RAB19: variants seen among roughly 807,000 people sequenced by gnomAD.
RAB19 encodes ras-related protein Rab-19.
RAB19 carries 21 observed loss-of-function variants against 17.3 expected under a neutral mutation model. That is an observed-to-expected ratio of 1.21 (90% CI 0.86 to 1.74). The LOEUF is 1.74. RAB19 is among the 40% of genes most tolerant of loss of function. The pLI is 0.00. For missense variants in RAB19, 277 were observed against 286.8 expected, an observed-to-expected ratio of 0.97 and a Z score of 0.25; for synonymous variants, 126 against 110.4, an observed-to-expected ratio of 1.14 and a Z score of -0.88.
At chr7:140,425,735 A>AG (rs1467989402) in intron 3 of RAB19, 147 bp from the exon 4 acceptor site, 6 of 877,744 alleles carry the variant, frequency 6.8e-6, no homozygotes, top group Non-Finnish European at 7.0e-6. Context: ...AAAAAAAAAA[A>AG]GAAACAAAAA....
rs761696770 is a variant in RAB19 at position 140,425,891 on chromosome 7, G to A, written c.395G>A (p.Cys132Tyr). The change falls in exon 4 of 4, where the codon TGT becomes TAT. Residue 132 changes from cysteine (C) to tyrosine (Y), a missense_variant. By Grantham distance (194) the Cys-to-Tyr change is radical (BLOSUM62 -2). Coordinates refer to ENST00000537763, the MANE Select transcript of RAB19 (RefSeq NM_001008749.3). ...TATCTTTTCCTTCCAGGAAATAAAT[G>A]TGACCTCTGGGAAAAGCGGCACGTC... is the stretch of plus-strand genomic sequence containing the variant. The part of the protein sequence containing the change: ...NVVIMLIGNK[C>Y]DLWEKRHVLF... The A allele has an allele frequency of 3.1e-6, 5 of 1,607,492 alleles. No homozygotes were observed. Among genetic ancestry groups the A allele is most frequent in the South Asian group, 2.2e-5 (2 of 90,498 alleles).
intron 3 of RAB19, among the ~76,000 whole-genome samples, chr7:140,416,570 A>G (rs962525594): frequency 6.6e-6 from 1 of 152,026 alleles, no homozygotes; most frequent in African/African-American, 2.4e-5. Flanking sequence ...TGGCCATTTA[A>G]TGTTCTGTGT....
intron 1 of RAB19, 45 bp from the exon 2 acceptor site, chr7:140,407,579 C>G (rs1368125371): frequency 6.8e-7 from 1 of 1,464,442 alleles, no homozygotes; most frequent in African/African-American, 1.4e-5. Flanking sequence ...TTGTCTTGTA[C>G]TGGATCCCCA....
At chr7:140,419,507 C>T (rs1799521080) in intron 3 of RAB19, among the ~76,000 whole-genome samples, 1 of 152,154 alleles carries the variant, frequency 6.6e-6, no homozygotes, top group African/African-American at 2.4e-5. Context: ...AATTCGTATA[C>T]TATTCCTTTG....
At chr7:140,416,506 C>T (rs747459612) in intron 3 of RAB19, among the ~76,000 whole-genome samples, 11 of 152,240 alleles carry the variant, frequency 7.2e-5, no homozygotes, top group African/African-American at 9.6e-5. Context: ...TGCAGCTCAC[C>T]GGGTCCATAG....
intron 3 of RAB19, among the ~76,000 whole-genome samples, chr7:140,416,068 T>C (rs1799452087): frequency 6.6e-6 from 1 of 150,742 alleles, no homozygotes; most frequent in Non-Finnish European, 1.5e-5. Context: ...AACAGCCGGG[T>C]GCAGTGGCTC....
intron 3 of RAB19, among the ~76,000 whole-genome samples, chr7:140,424,790 A>G (rs1244955388): frequency 2.0e-5 from 3 of 151,538 alleles, no homozygotes; most frequent in Non-Finnish European, 4.4e-5. Flanking sequence ...ATGGAAAAAA[A>G]TATCTACAGA....
At chr7:140,416,850 G>A (rs928836429) in intron 3 of RAB19, among the ~76,000 whole-genome samples, 5 of 152,090 alleles carry the variant, frequency 3.3e-5, no homozygotes, top group Non-Finnish European at 2.9e-5. Flanking sequence ...AGCACTTTGG[G>A]AAGTTGAGGT....
chr7:140,417,705 T>A (rs942181270), intron 3 of RAB19, among the ~76,000 whole-genome samples: 1 of 152,140 alleles, frequency 6.6e-6, no homozygotes, highest in African/African-American at 2.4e-5. Flanking sequence ...AAGTCTGAAA[T>A]CAGTCCTGCG....
In RAB19 at chr7:140,411,912, C is replaced by G; in HGVS notation, c.240C>G (p.Arg80=). ...ACACAGCTGGCCAGGAGCGCTTCCGCACCATCACCCAAAGCTACTACCGCA... is the reference window on the plus strand; with the variant it reads ...ACACAGCTGGCCAGGAGCGCTTCCGGACCATCACCCAAAGCTACTACCGCA... ...VWDTAGQERF[R]TITQSYYRSA... The change falls in exon 3 of 4, where the codon CGC becomes CGG. Residue 80 remains arginine (R), a synonymous_variant. Coordinates refer to ENST00000537763, the MANE Select transcript of RAB19 (RefSeq NM_001008749.3). The G allele has an allele frequency of 6.2e-7, 1 of 1,614,208 alleles. No individual in the cohort carries two copies. Among genetic ancestry groups the G allele is most frequent in the Non-Finnish European group, 8.5e-7 (1 of 1,180,044 alleles).
At chr7:140,412,158 T>G in intron 3 of RAB19, 101 bp downstream of exon 3, 2 of 1,250,080 alleles carry the variant, frequency 1.6e-6, no homozygotes, top group Non-Finnish European at 2.3e-6. Flanking sequence ...ATCTTAAAAG[T>G]GTAAGTGATG....
rs776077715 is a variant in RAB19 at position 140,407,650 on chromosome 7, C to T, written c.4C>T (p.His2Tyr). M[H>Y]FSSSARAADE... ...TCTGTTCTAGGTGGCAAGAACCATG[C>T]ACTTCTCCAGCTCAGCCAGGGCAGC... Residue 2 changes from histidine (H) to tyrosine (Y), a missense_variant, in exon 2 of 4, where the codon CAC becomes TAC. By Grantham distance (83) the His-to-Tyr change is moderately conservative. Coordinates refer to ENST00000537763, the MANE Select transcript of RAB19 (RefSeq NM_001008749.3). The T allele has an allele frequency of 3.1e-6, 5 of 1,614,066 alleles. No homozygotes were observed. Among genetic ancestry groups the T allele is most frequent in the Non-Finnish European group, 3.4e-6 (4 of 1,179,946 alleles).
intron 2 of RAB19, among the ~76,000 whole-genome samples, chr7:140,409,467 G>A (rs561108836): frequency 2.0e-5 from 3 of 152,036 alleles, no homozygotes; most frequent in Admixed American, 6.6e-5. Flanking sequence ...GGCCGAGGCA[G>A]GCGGATCACC....
At position 140,426,106 on chromosome 7, in the gene RAB19, C is replaced by G; in HGVS notation, c.610C>G (p.Leu204Val). The change falls in exon 4 of 4, where the codon CTT (leucine) becomes GTT (valine). Residue 204 changes from leucine to valine, a missense_variant. By Grantham distance (32) the Leu-to-Val change is conservative. Transcript: ENST00000537763. The stretch of plus-strand genomic sequence containing the variant: ...CCTCCCCCTGGACTCCAGCCCCGTT[C>G]TTATGGCCCAGGGTCCAAGTGAAAA... ...NGLPLDSSPV[L>V]MAQGPSEKTH... The G allele has an allele frequency of 6.2e-7, 1 of 1,614,192 alleles. No homozygotes were observed. The highest frequency in any genetic ancestry group is 8.5e-7 in the Non-Finnish European group (1 of 1,180,036).
At chr7:140,414,501 T>C (rs1799420490) in intron 3 of RAB19, among the ~76,000 whole-genome samples, 1 of 152,154 alleles carries the variant, frequency 6.6e-6, no homozygotes, top group African/African-American at 2.4e-5. Flanking sequence ...AATCTCAGAA[T>C]GTTTGCTTGG....
At chr7:140,409,028 G>A (rs949375538) in intron 2 of RAB19, among the ~76,000 whole-genome samples, 1 of 152,208 alleles carries the variant, frequency 6.6e-6, no homozygotes, top group South Asian at 2.1e-4. Flanking sequence ...CCAAAGTGCC[G>A]GGATTACAGG....
Position 140,426,797 on chromosome 7 carries a change from C to A in RAB19, c.*647C>A, listed in dbSNP as rs1299325521. On this transcript the variant is annotated 3_prime_UTR_variant, in exon 4 of 4. Coordinates refer to ENST00000537763, the MANE Select transcript of RAB19 (RefSeq NM_001008749.3). ...TATTCTAGCAGGGCTGACTTGGCCA[C>A]CCTCTTGGGATAGGGGAAGACACCT... 6.6e-6 allele frequency among the ~76,000 whole-genome samples: 1 copy of A among 151,814 alleles called. No homozygotes were observed. The highest frequency in any genetic ancestry group is 1.5e-5 in the Non-Finnish European group (1 of 67,992).
At chr7:140,409,710 T>C (rs530792055) in intron 2 of RAB19, among the ~76,000 whole-genome samples, 77 of 137,738 alleles carry the variant, frequency 5.6e-4, no homozygotes, top group African/African-American at 2.1e-3. Context: ...AAAGATAAAA[T>C]AGGCTGGGCG....
chr7:140,406,972 G>A (rs1198161043), intron 1 of RAB19, among the ~76,000 whole-genome samples: 3 of 151,644 alleles, frequency 2.0e-5, no homozygotes, highest in East Asian at 2.0e-4. Flanking sequence ...TGCAACTTCC[G>A]CCTCCCGGAT....
Sources: allele counts gnomAD v4.1 joint callset (sites outside exome capture counted in the v4.1 genomes callset), GRCh38; gene constraint gnomAD v4.1.1; transcripts MANE v1.5; gene names NCBI Gene and HGNC (gene_info 2026-07-23, HGNC 2026-07-21).